The following NCKAP5 variants were observed in gnomAD, a reference collection of about 807,000 sequenced individuals.
NCKAP5 encodes the protein nck-associated protein 5.
In NCKAP5, 92 loss-of-function variants were observed where a neutral mutation model predicts 167.0. That is an observed-to-expected ratio of 0.55 (90% CI 0.47 to 0.66). NCKAP5 has a LOEUF of 0.66. Among genes scored for constraint, NCKAP5 ranks in the 30% least tolerant of loss-of-function variants. The pLI is 0.00. For missense variants in NCKAP5, 2,378 were observed against 2,315.0 expected, an observed-to-expected ratio of 1.03 and a Z score of -0.56; for synonymous variants, 891 against 877.4, an observed-to-expected ratio of 1.02 and a Z score of -0.27.
At chr2:133,347,144 G>A (rs940302422) in intron 3 of NCKAP5, among the ~76,000 whole-genome samples, 3 of 152,342 alleles carry the variant, frequency 2.0e-5, no homozygotes, top group East Asian at 3.9e-4. Context: ...ACTCCTAAAC[G>A]TAGTAATGTT....
At chr2:132,950,024 A>G (rs1269178105) in intron 8 of NCKAP5, among the ~76,000 whole-genome samples, 1 of 152,130 alleles carries the variant, frequency 6.6e-6, no homozygotes, top group Non-Finnish European at 1.5e-5. Context: ...AAACTGAGAG[A>G]TGGAGGTTGC....
chr2:132,872,650 T>C (rs1182518325), intron 9 of NCKAP5, among the ~76,000 whole-genome samples: 1 of 152,224 alleles, frequency 6.6e-6, no homozygotes, highest in Non-Finnish European at 1.5e-5. Context: ...CTCTCCTGGC[T>C]AGTGGGCTTG....
At chr2:132,968,670 T>C (rs966540310) in intron 7 of NCKAP5, among the ~76,000 whole-genome samples, 1 of 152,162 alleles carries the variant, frequency 6.6e-6, no homozygotes, top group African/African-American at 2.4e-5. Flanking sequence ...ATAAGAAGGT[T>C]GTTAGTGGGA....
intron 6 of NCKAP5, among the ~76,000 whole-genome samples, chr2:133,045,224 T>C (rs547691825): frequency 2.6e-5 from 4 of 152,004 alleles, no homozygotes; most frequent in African/African-American, 9.7e-5. Context: ...AAATGTGCTA[T>C]CTCCATAAAC....
chr2:132,870,644 G>A (rs1425747261), intron 9 of NCKAP5, among the ~76,000 whole-genome samples: 2 of 150,880 alleles, frequency 1.3e-5, no homozygotes, highest in African/African-American at 4.9e-5. Flanking sequence ...GGAGACTGAG[G>A]GACACTTTTG....
At chr2:133,427,426 T>TA (rs548256450) in intron 3 of NCKAP5, among the ~76,000 whole-genome samples, 43 of 152,298 alleles carry the variant, frequency 2.8e-4, no homozygotes, top group African/African-American at 9.6e-4. Context: ...TAGGCAAATA[T>TA]AGCATGACAG....
chr2:133,372,055 T>C (rs369845210), intron 3 of NCKAP5, among the ~76,000 whole-genome samples: 1 of 152,008 alleles, frequency 6.6e-6, no homozygotes, highest in East Asian at 1.9e-4. Flanking sequence ...GGCCAAATGA[T>C]TGAAAAGATG....
intron 6 of NCKAP5, among the ~76,000 whole-genome samples, chr2:133,031,154 C>T (rs1194039037): frequency 6.6e-6 from 1 of 152,080 alleles, no homozygotes; most frequent in African/African-American, 2.4e-5. Context: ...GGGGAGTATT[C>T]ACAGTACCTG....
intron 5 of NCKAP5, among the ~76,000 whole-genome samples, chr2:133,176,238 A>G (rs1444142867): frequency 6.6e-6 from 1 of 152,220 alleles, no homozygotes; most frequent in Non-Finnish European, 1.5e-5. Flanking sequence ...TCACCAAGTG[A>G]AACCCATGTT....
At chr2:133,098,990 A>T (rs941797115) in intron 6 of NCKAP5, among the ~76,000 whole-genome samples, 6 of 152,188 alleles carry the variant, frequency 3.9e-5, no homozygotes, top group Non-Finnish European at 7.4e-5. Flanking sequence ...CAGACTTGGC[A>T]GTGTCACAGA....
At chr2:133,263,332 A>G (rs1322416997) in intron 4 of NCKAP5, among the ~76,000 whole-genome samples, 1 of 151,278 alleles carries the variant, frequency 6.6e-6, no homozygotes, top group African/African-American at 2.4e-5. Context: ...ACCAACCTTC[A>G]TGGTTATTAA....
intron 11 of NCKAP5, among the ~76,000 whole-genome samples, chr2:132,848,472 A>G (rs1026743864): frequency 1.3e-5 from 2 of 152,214 alleles, no homozygotes; most frequent in East Asian, 1.9e-4. Flanking sequence ...AAATGTAACA[A>G]TGAAATATGA....
intron 2 of NCKAP5, among the ~76,000 whole-genome samples, chr2:133,556,524 T>C (rs946766104): frequency 2.0e-5 from 3 of 152,234 alleles, no homozygotes; most frequent in African/African-American, 7.2e-5. Flanking sequence ...TGTTTTCCCC[T>C]TTGATTTTCC....
chr2:132,921,148 T>C (rs1159171544), intron 8 of NCKAP5, among the ~76,000 whole-genome samples: 1 of 152,004 alleles, frequency 6.6e-6, no homozygotes, highest in Non-Finnish European at 1.5e-5. Context: ...TTATCTGCCA[T>C]TCCTAGGTTG....
intron 7 of NCKAP5, among the ~76,000 whole-genome samples, chr2:132,982,649 C>A (rs1467636116): frequency 1.3e-5 from 2 of 152,192 alleles, no homozygotes; most frequent in African/African-American, 4.8e-5. Flanking sequence ...AGCTTTTCAA[C>A]CCTTGCCCCC....
At chr2:133,247,335 G>T (rs142020362) in intron 4 of NCKAP5, among the ~76,000 whole-genome samples, 1 of 152,128 alleles carries the variant, frequency 6.6e-6, no homozygotes, top group East Asian at 1.9e-4. Context: ...ACTGTGAGAA[G>T]CATTAAAAAT....
intron 11 of NCKAP5, among the ~76,000 whole-genome samples, chr2:132,803,877 A>T (rs184291315): frequency 6.6e-6 from 1 of 152,350 alleles, no homozygotes; most frequent in African/African-American, 2.4e-5. Context: ...CAAAGGAGAA[A>T]AAAATACAAG....
chr2:133,512,421 C>T lies in NCKAP5; in HGVS notation c.69+5037G>A, dbSNP rs558494754. Among the ~76,000 whole-genome samples, 5 of 152,248 alleles carry T rather than the reference C, an allele frequency of 3.3e-5. No homozygotes were observed. In the South Asian group the frequency reaches 6.2e-4, roughly 19 times the overall value. Reference sequence around the variant, plus strand: ...AAAATTCCCATTGCTCTAATGCATGCGGATAGCCATTACAATCCAGCCTAG... The same window carrying T: ...AAAATTCCCATTGCTCTAATGCATGTGGATAGCCATTACAATCCAGCCTAG... On this transcript the variant is annotated intron_variant, in intron 3 of 19. Coordinates refer to ENST00000409261, the MANE Select transcript of NCKAP5 (RefSeq NM_207363.3).
Position 132,782,765 on chromosome 2 carries a change from T to C in NCKAP5, c.4046A>G (p.Lys1349Arg), listed in dbSNP as rs771793493. The C allele has an allele frequency of 6.2e-7, 1 of 1,613,884 alleles. No individual in the cohort carries two copies. Reference protein sequence around the residue: ...GRPSGHPSSGKGSLGSSGSFS... With the variant: ...GRPSGHPSSGRGSLGSSGSFS... ...GCTGCCTGAGCTCCCCAGGGAGCCC[T>C]TCCCGGAGGAGGGGTGCCCCGAGGG... The change falls in exon 14 of 20, where the codon AAG (lysine) becomes AGG (arginine). Residue 1349 changes from lysine to arginine, a missense_variant. Physicochemically the swap from Lys to Arg is conservative, Grantham distance 26 (BLOSUM62 2). Around this residue, in one of 3 missense-constraint regions of NCKAP5, gnomAD observed 1,325 missense variants for 1,274.5 expected, o/e 1.04. Transcript: ENST00000409261.
Sources: gnomAD v4.1 joint callset for allele counts (sites outside exome capture counted in the v4.1 genomes callset) on GRCh38, gnomAD v4.1.1 for gene constraint, gnomAD v4.1.1 regional missense constraint, MANE v1.5 for transcripts, NCBI Gene and HGNC (gene_info 2026-07-23, HGNC 2026-07-21) for gene names.